TSPEAR: variants seen among roughly 807,000 people sequenced by gnomAD.
The protein encoded by TSPEAR is thrombospondin type laminin G domain and EAR repeats, also known as thrombospondin-type laminin G domain and EAR repeat-containing protein.
A neutral mutation model predicts 71.6 loss-of-function variants in TSPEAR; 69 were observed. The observed-to-expected ratio is 0.96, with a 90% CI of 0.79 to 1.18. The LOEUF (loss-of-function observed/expected upper bound fraction) is 1.18, where lower values mean the gene tolerates loss of function less well. TSPEAR is among the 50% of genes most tolerant of loss of function. TSPEAR has a pLI of 0.00. For missense variants in TSPEAR, 971 were observed against 894.9 expected (o/e 1.09, Z -1.09); for synonymous variants, 402 against 387.2 (o/e 1.04, Z -0.45).
intron 9 of TSPEAR, chr21:44,509,866 C>T (rs2052318174): frequency 5.8e-6 from 1 of 170,954 alleles, no homozygotes; most frequent in Non-Finnish European, 1.3e-5. Flanking sequence ...GCTGTCTCAC[C>T]TCTTCCAGGA....
At chr21:44,586,886 C>T (rs1979372387) in intron 1 of TSPEAR, among the ~76,000 whole-genome samples, 1 of 152,138 alleles carries the variant, frequency 6.6e-6, no homozygotes, top group Non-Finnish European at 1.5e-5. Context: ...AAGGGACATA[C>T]CTCAATGTAA....
intron 1 of TSPEAR, chr21:44,638,393 C>T: frequency 2.5e-6 from 1 of 395,310 alleles, no homozygotes; most frequent in South Asian, 3.2e-5. Flanking sequence ...CCCCAGCAGG[C>T]CTGGTTCCAC....
At chr21:44,566,001 G>A (rs149871517) in intron 2 of TSPEAR, among the ~76,000 whole-genome samples, 3,047 of 152,254 alleles carry the variant, frequency 0.02, 90 homozygotes, top group African/African-American at 0.068. Flanking sequence ...CCAACATGGC[G>A]AAACCCTGTC....
rs782645416 is a variant in TSPEAR at position 44,533,759 on chromosome 21, G to A, written c.468C>T (p.Arg156=). 15 of 1,612,358 alleles carry A rather than the reference G, an allele frequency of 9.3e-6. No individual in the cohort carries two copies. The Admixed American group carries it at 2.5e-4, about 27-fold the overall frequency. Residue 156 remains arginine, a synonymous_variant, in exon 3 of 12, where the codon CGC becomes CGT. Transcript: ENST00000323084. ...SFRSPALVDG[R]WHTLVLAVSA... is the part of the protein sequence containing the mutation. The stretch of plus-strand genomic sequence containing the variant: ...ACACAGCCAGGACCAGTGTGTGCCA[G>A]CGGCCATCCACCAGGGCCGGGCTGC...
intron 1 of TSPEAR, among the ~76,000 whole-genome samples, chr21:44,581,114 C>T (rs1386428919): frequency 6.6e-6 from 1 of 152,112 alleles, no homozygotes; most frequent in African/African-American, 2.4e-5. Context: ...CCCCTTGTGC[C>T]TCGTAAGGGG....
intron 1 of TSPEAR, among the ~76,000 whole-genome samples, chr21:44,633,257 C>T (rs971139014): frequency 1.3e-5 from 2 of 152,052 alleles, no homozygotes; most frequent in Non-Finnish European, 2.9e-5. Flanking sequence ...TTATTTTCTT[C>T]CTTCTTCTAG....
intron 1 of TSPEAR, chr21:44,601,070 C>A (rs1555928561): frequency 1.9e-6 from 3 of 1,610,328 alleles, no homozygotes; most frequent in East Asian, 4.5e-5. Context: ...ACCTCCTCCC[C>A]CTGCCAGCAG....
At chr21:44,578,669 G>T (rs1411550970) in intron 1 of TSPEAR, among the ~76,000 whole-genome samples, 1 of 152,154 alleles carries the variant, frequency 6.6e-6, no homozygotes, top group Non-Finnish European at 1.5e-5. Context: ...CCCTGAGATG[G>T]CCTTGCAGGG....
At chr21:44,635,543 C>T (rs1009603480) in intron 1 of TSPEAR, among the ~76,000 whole-genome samples, 3 of 152,092 alleles carry the variant, frequency 2.0e-5, no homozygotes, top group African/African-American at 7.2e-5. Flanking sequence ...TGAAAACATG[C>T]TGAGTGAACA....
Position 44,498,689 on chromosome 21 carries a change from C to T in TSPEAR, c.*1094G>A, listed in dbSNP as rs2051973616. 2.6e-5 allele frequency: 4 copies of T among 152,266 alleles called. No individual in the cohort carries two copies. Among genetic ancestry groups the T allele is most frequent in the Admixed American group, 2.6e-4 (4 of 15,278 alleles). 9.4% of individuals were successfully genotyped at this position (152,266 alleles called of 1,614,324 possible). ...ATTGGCGGAAAAAGCACATTGTAAA[C>T]TCTCTGAGGATCGCTCCTGTTCCGA... On this transcript the variant is annotated 3_prime_UTR_variant, in exon 12 of 12. Transcript: ENST00000323084.
intron 1 of TSPEAR, among the ~76,000 whole-genome samples, chr21:44,663,989 T>C (rs782550775): frequency 3.3e-5 from 5 of 152,142 alleles, no homozygotes; most frequent in Non-Finnish European, 7.4e-5. Context: ...GAAAAACCTA[T>C]AGCTAATATC....
intron 11 of TSPEAR, among the ~76,000 whole-genome samples, chr21:44,501,938 T>G (rs1391289051): frequency 6.6e-6 from 1 of 152,232 alleles, no homozygotes; most frequent in Non-Finnish European, 1.5e-5. Context: ...CTGTTAGGCT[T>G]CATTTTAAAC....
At chr21:44,581,089 T>G (rs1023557610) in intron 1 of TSPEAR, among the ~76,000 whole-genome samples, 1 of 152,196 alleles carries the variant, frequency 6.6e-6, no homozygotes, top group Admixed American at 6.5e-5. Flanking sequence ...TGAAGCTAAG[T>G]GGCCCTCTCT....
At chr21:44,703,902 C>T (rs1987779386) in intron 1 of TSPEAR, among the ~76,000 whole-genome samples, 1 of 152,170 alleles carries the variant, frequency 6.6e-6, no homozygotes, top group African/African-American at 2.4e-5. Flanking sequence ...CTCCTGAGTC[C>T]CCCCAGCTGC....
At chr21:44,661,643 G>C (rs1442210715) in intron 1 of TSPEAR, among the ~76,000 whole-genome samples, 1 of 152,208 alleles carries the variant, frequency 6.6e-6, no homozygotes, top group Non-Finnish European at 1.5e-5. Flanking sequence ...AGCTGTACAG[G>C]AAGCATAATA....
rs1367118747 is a variant in TSPEAR, at chr21:44,503,000, G to A, written c.1856+1780C>T. On this transcript the variant is annotated intron_variant, in intron 11 of 11. Transcript: ENST00000323084. ...GGTGAGCCCACAGTGGGGAAGCAAG[G>A]TGCTGGGAGGAAGCCGGCCTCGGTG... 9.7e-5 allele frequency among the ~76,000 whole-genome samples: 7 copies of A among 72,504 alleles called. 1 individual carries two copies. Among genetic ancestry groups the A allele is most frequent in the Non-Finnish European group, 1.8e-4 (5 of 28,398 alleles). 47.6% of individuals were successfully genotyped at this position (72,504 alleles called of 152,430 possible).
Position 44,499,712 on chromosome 21 carries a change from G to A in TSPEAR, c.*71C>T. 1 of 1,454,502 alleles carries A rather than the reference G, an allele frequency of 6.9e-7. No homozygotes were observed. Among genetic ancestry groups the A allele is most frequent in the Non-Finnish European group, 9.1e-7 (1 of 1,098,324 alleles). The allele number at this position is 1,454,502 out of a possible 1,614,324, so 90.1% of individuals were successfully genotyped here. ...TAGGCTGGGCCCACCTGGACGTCCA[G>A]GGTCAGTTGGGGGAGGTGCTGGGGT... On this transcript the variant is annotated 3_prime_UTR_variant, in exon 12 of 12. Transcript: ENST00000323084.
Position 44,612,537 on chromosome 21 carries a change from G to A in TSPEAR, c.83-44532C>T. 6.2e-7 allele frequency: 1 copy of A among 1,612,352 alleles called. No individual in the cohort carries two copies. Among genetic ancestry groups the A allele is most frequent in the Non-Finnish European group, 8.5e-7 (1 of 1,178,944 alleles). ...TGCTCTGGAGCTTCCTCCCCATGCT[G>A]CCAGCAGTCTAGCTGCCAGTCAGCT... On this transcript the variant is annotated intron_variant, in intron 1 of 11. Transcript: ENST00000323084. This position sits in a 1 kb window ranked among gnomAD's most constrained non-coding sequence, Gnocchi z 4.1.
chr21:44,579,937 G>A, intron 1 of TSPEAR: 2 of 1,614,176 alleles, frequency 1.2e-6, no homozygotes, highest in Non-Finnish European at 1.7e-6. Context: ...AGGGTCTGCA[G>A]CAGGAGGTGG....
Sources: gnomAD v4.1 joint callset for allele counts (sites outside exome capture counted in the v4.1 genomes callset) on GRCh38, gnomAD v4.1.1 for gene constraint, Gnocchi (gnomAD v3.1) non-coding constraint, MANE v1.5 for transcripts, NCBI Gene and HGNC (gene_info 2026-07-23, HGNC 2026-07-21) for gene names.